The following CYP2C19 variants were observed in gnomAD, a reference collection of about 807,000 sequenced individuals.
CYP2C19 encodes cytochrome P450 family 2 subfamily C member 19, also known as cytochrome P450 2C19.
CYP2C19 carries 59 observed loss-of-function variants against 40.9 expected under a neutral mutation model. That is an observed-to-expected ratio of 1.44 (90% confidence interval 1.17 to 1.79). The LOEUF is 1.79. Ranked by LOEUF, CYP2C19 falls within the 40% of genes most tolerant of loss-of-function variation. CYP2C19 has a pLI of 0.00. For missense variants in CYP2C19, 754 were observed against 596.9 expected (o/e 1.26, Z -2.74); for synonymous variants, 253 against 208.7 (o/e 1.21, Z -1.83).
chr10:94,802,398 A>G (rs551120601), intron 5 of CYP2C19, among the ~76,000 whole-genome samples: 3 of 152,132 alleles, frequency 2.0e-5, no homozygotes, highest in African/African-American at 7.2e-5. Flanking sequence ...ACAGACTAGG[A>G]TTGCAACCCC....
At chr10:94,824,881 C>A (rs1382506893) in intron 6 of CYP2C19, among the ~76,000 whole-genome samples, 2 of 147,410 alleles carry the variant, frequency 1.4e-5, no homozygotes, top group East Asian at 4.0e-4. Context: ...TGTTCAATTC[C>A]CACCTATGAG....
At chr10:94,774,341 T>A (rs1848375811) in intron 1 of CYP2C19, 1 of 152,192 alleles carries the variant, frequency 6.6e-6, no homozygotes, top group African/African-American at 2.4e-5. Flanking sequence ...TTAGATCAGT[T>A]TGGCACAGAA....
chr10:94,812,942 G>C (rs1441111159), intron 5 of CYP2C19, among the ~76,000 whole-genome samples: 1 of 151,288 alleles, frequency 6.6e-6, no homozygotes, highest in Non-Finnish European at 1.5e-5. Context: ...GAGAAGAGAT[G>C]TTCTGGTTTT....
intron 5 of CYP2C19, among the ~76,000 whole-genome samples, chr10:94,818,427 A>T (rs1250646757): frequency 6.6e-6 from 1 of 152,024 alleles, no homozygotes; most frequent in East Asian, 1.9e-4. Flanking sequence ...TTCTGTGAAG[A>T]AAGTCATTGG....
intron 5 of CYP2C19, among the ~76,000 whole-genome samples, chr10:94,804,855 A>G (rs1848812588): frequency 6.6e-6 from 1 of 152,200 alleles, no homozygotes; most frequent in East Asian, 1.9e-4. Context: ...ATTGCCTCTA[A>G]TCTGCCATCT....
At chr10:94,838,076 A>C (rs778948535) in intron 6 of CYP2C19, among the ~76,000 whole-genome samples, 16 of 152,194 alleles carry the variant, frequency 1.1e-4, no homozygotes, top group Admixed American at 6.5e-5. Context: ...TAGTCTCTCC[A>C]GAAAGGCAGT....
At chr10:94,774,452 C>A (rs1848377694) in intron 1 of CYP2C19, 1 of 154,604 alleles carries the variant, frequency 6.5e-6, no homozygotes, top group Non-Finnish European at 1.4e-5. Flanking sequence ...TTCTTATAAT[C>A]CCATAGCCAC....
chr10:94,849,872 C>T (rs1378605697), intron 7 of CYP2C19, 45 bp from the exon 8 acceptor site: 1 of 1,610,594 alleles, frequency 6.2e-7, no homozygotes, highest in Non-Finnish European at 8.5e-7. Context: ...CTTAAACCTT[C>T]GTGACTTCTT....
At chr10:94,765,910 A>G (rs921049194) in intron 1 of CYP2C19, among the ~76,000 whole-genome samples, 2 of 152,060 alleles carry the variant, frequency 1.3e-5, no homozygotes, top group Non-Finnish European at 2.9e-5. Flanking sequence ...GCATTCATAC[A>G]GGGGCTTGGA....
chr10:94,807,410 C>G, intron 5 of CYP2C19, among the ~76,000 whole-genome samples: 1 of 152,062 alleles, frequency 6.6e-6, no homozygotes, highest in Non-Finnish European at 1.5e-5. Flanking sequence ...GTTATATACC[C>G]AAGAATGGGA....
At chr10:94,811,528 A>T (rs1194759605) in intron 5 of CYP2C19, among the ~76,000 whole-genome samples, 1 of 152,062 alleles carries the variant, frequency 6.6e-6, no homozygotes, top group Admixed American at 6.6e-5. Flanking sequence ...GCCTCTTTGT[A>T]GGTCTTTAAG....
intron 1 of CYP2C19, among the ~76,000 whole-genome samples, chr10:94,768,356 TAG>T (rs1382433177): frequency 7.2e-5 from 11 of 152,078 alleles, no homozygotes; most frequent in Non-Finnish European, 2.9e-5. Context: ...CTTCGGTATA[TAG>T]GTTAAGGTCA....
chr10:94,810,900 A>G (rs543160509), intron 5 of CYP2C19, among the ~76,000 whole-genome samples: 1 of 152,046 alleles, frequency 6.6e-6, no homozygotes, highest in Admixed American at 6.6e-5. Flanking sequence ...CTGCTCTGAT[A>G]TTAGTTATTT....
At position 94,817,764 on chromosome 10, in the gene CYP2C19, G is replaced by A. The variant is rs112576838; in HGVS notation, c.820-2732G>A. 4.6e-3 allele frequency among the ~76,000 whole-genome samples: 692 copies of A among 151,532 alleles called. 3 individuals carry two copies. The highest frequency in any genetic ancestry group is 0.011 in the African/African-American group (449 of 41,282). The stretch of plus-strand genomic sequence containing the variant: ...TGCGGTGGCTCACACCTGTAATCCC[G>A]GCACTTTGGGAGGCCGAGGCGGGCG... On this transcript the variant is annotated intron_variant, in intron 5 of 8. Transcript: ENST00000371321.
intron 6 of CYP2C19, among the ~76,000 whole-genome samples, chr10:94,831,398 A>G (rs979179439): frequency 5.9e-5 from 9 of 152,206 alleles, no homozygotes; most frequent in Non-Finnish European, 8.8e-5. Flanking sequence ...TATACCCAGT[A>G]GTAGGGTTGT....
chr10:94,791,372 C>A (rs1025690721), intron 5 of CYP2C19, among the ~76,000 whole-genome samples: 1 of 152,094 alleles, frequency 6.6e-6, no homozygotes, highest in African/African-American at 2.4e-5. Flanking sequence ...TCCTCCAGTT[C>A]TGCTCTGATC....
At chr10:94,772,957 A>AT (rs1848355875) in intron 1 of CYP2C19, among the ~76,000 whole-genome samples, 1 of 151,598 alleles carries the variant, frequency 6.6e-6, no homozygotes, top group East Asian at 1.9e-4. Flanking sequence ...AATTTTTTGT[A>AT]TTTTTAGTAG....
intron 6 of CYP2C19, among the ~76,000 whole-genome samples, chr10:94,822,849 A>T (rs538012063): frequency 1.3e-5 from 2 of 151,694 alleles, no homozygotes; most frequent in African/African-American, 2.4e-5. Context: ...ACATTTTTTC[A>T]TATGTTTGTT....
At chr10:94,783,962 A>G (rs560332387) in intron 5 of CYP2C19, among the ~76,000 whole-genome samples, 8 of 152,328 alleles carry the variant, frequency 5.3e-5, no homozygotes, top group African/African-American at 1.9e-4. Context: ...CCTAAGTGGT[A>G]TTTAATGTAT....
Sources: allele counts gnomAD v4.1 joint callset (sites outside exome capture counted in the v4.1 genomes callset), GRCh38; gene constraint gnomAD v4.1.1; transcripts MANE v1.5; gene names NCBI Gene and HGNC (gene_info 2026-07-23, HGNC 2026-07-21).